TSPAN5: variants seen among roughly 807,000 people sequenced by gnomAD.
The protein encoded by TSPAN5 is tetraspanin-5.
TSPAN5 carries 10 observed loss-of-function variants against 37.1 expected under a neutral mutation model. That is an observed-to-expected ratio of 0.27 (90% CI 0.17 to 0.46). TSPAN5 has a LOEUF of 0.46. Among genes scored for constraint, TSPAN5 ranks in the 20% least tolerant of loss-of-function variants. The probability of loss-of-function intolerance (pLI) is 1.00; values close to 1 mark genes in which losing one functional copy is unlikely to be tolerated. For synonymous variants in TSPAN5, 110 were observed against 118.9 expected (o/e 0.93, Z 0.48); for missense variants, 195 against 326.6 (o/e 0.60, Z 3.11).
intron 1 of TSPAN5, among the ~76,000 whole-genome samples, chr4:98,614,901 C>T (rs1362594914): frequency 6.6e-6 from 1 of 152,220 alleles, no homozygotes; most frequent in Non-Finnish European, 1.5e-5. Flanking sequence ...TAAATGCCAT[C>T]GCAGCCAACA....
intron 1 of TSPAN5, among the ~76,000 whole-genome samples, chr4:98,533,910 G>C (rs1206209427): frequency 1.8e-5 from 2 of 113,052 alleles, no homozygotes; most frequent in African/African-American, 3.5e-5. Context: ...TTATTAGTCT[G>C]GCTAGTGGTC....
chr4:98,572,906 T>G (rs543066729), intron 1 of TSPAN5, among the ~76,000 whole-genome samples: 1 of 152,326 alleles, frequency 6.6e-6, no homozygotes, highest in African/African-American at 2.4e-5. Flanking sequence ...ACAATCACAG[T>G]GATTTGTTTA....
intron 1 of TSPAN5, among the ~76,000 whole-genome samples, chr4:98,527,972 C>A (rs1318970418): frequency 1.3e-5 from 2 of 152,182 alleles, no homozygotes; most frequent in Non-Finnish European, 2.9e-5. Flanking sequence ...GACAAATATT[C>A]TTCCTCTCTT....
chr4:98,591,844 C>T (rs1755641395), intron 1 of TSPAN5, among the ~76,000 whole-genome samples: 1 of 152,116 alleles, frequency 6.6e-6, no homozygotes, highest in Non-Finnish European at 1.5e-5. Flanking sequence ...TGCCACAGGG[C>T]TTTTGCTAAA....
intron 1 of TSPAN5, among the ~76,000 whole-genome samples, chr4:98,630,512 G>A (rs1756720502): frequency 6.6e-6 from 1 of 152,176 alleles, no homozygotes; most frequent in South Asian, 2.1e-4. Context: ...TGTCATCCGA[G>A]GCACGCATAT....
At chr4:98,530,770 C>T (rs1287955312) in intron 1 of TSPAN5, among the ~76,000 whole-genome samples, 1 of 151,804 alleles carries the variant, frequency 6.6e-6, no homozygotes, top group Non-Finnish European at 1.5e-5. Context: ...GAAACAGGAT[C>T]TTACTCCATT....
intron 1 of TSPAN5, among the ~76,000 whole-genome samples, chr4:98,598,043 C>T (rs1179039450): frequency 4.7e-5 from 4 of 85,620 alleles, no homozygotes; most frequent in Non-Finnish European, 8.2e-5. Context: ...AGCCTCGTTG[C>T]CGCCTTGCAG....
chr4:98,540,972 C>T (rs1037527038), intron 1 of TSPAN5, among the ~76,000 whole-genome samples: 2 of 152,196 alleles, frequency 1.3e-5, no homozygotes, highest in African/African-American at 2.4e-5. Flanking sequence ...ACAATTAGCA[C>T]GGCATAAAGA....
intron 1 of TSPAN5, among the ~76,000 whole-genome samples, chr4:98,579,445 T>C (rs1755320563): frequency 6.6e-6 from 1 of 152,162 alleles, no homozygotes; most frequent in African/African-American, 2.4e-5. Context: ...CCCATGCAAC[T>C]GTACAGGAAG....
intron 1 of TSPAN5, among the ~76,000 whole-genome samples, chr4:98,651,111 C>T (rs1160703874): frequency 2.6e-5 from 4 of 152,134 alleles, no homozygotes; most frequent in Admixed American, 1.3e-4. Context: ...CAGACAACAC[C>T]TTGATCAAGT....
chr4:98,558,461 C>T (rs1049224970), intron 1 of TSPAN5, among the ~76,000 whole-genome samples: 6 of 152,124 alleles, frequency 3.9e-5, no homozygotes, highest in Non-Finnish European at 1.5e-5. Flanking sequence ...TTTAAAGTTG[C>T]AGCGAAGGGA....
intron 1 of TSPAN5, among the ~76,000 whole-genome samples, chr4:98,576,958 G>T (rs923583482): frequency 6.6e-6 from 1 of 151,942 alleles, no homozygotes; most frequent in African/African-American, 2.4e-5. Context: ...ATGGGGTTTT[G>T]CCATGTTGAC....
chr4:98,609,783 C>A (rs550451905), intron 1 of TSPAN5, among the ~76,000 whole-genome samples: 1 of 152,140 alleles, frequency 6.6e-6, no homozygotes, highest in African/African-American at 2.4e-5. Context: ...GGCAAGAAGA[C>A]CCCACACCCA....
chr4:98,601,462 C>T lies in TSPAN5; in HGVS notation c.81+56684G>A, dbSNP rs115769482. 6.7e-4 allele frequency among the ~76,000 whole-genome samples: 102 copies of T among 152,316 alleles called. 1 individual carries two copies. The highest frequency in any genetic ancestry group is 2.3e-3 in the African/African-American group (96 of 41,570). On this transcript the variant is annotated intron_variant, in intron 1 of 7. Transcript: ENST00000305798. Reference sequence around the variant, plus strand: ...CATGAGCACGTGCTGCTTCACCTTGCGCTTTTATGTTATGAAGATGGCTGC... The same window carrying T: ...CATGAGCACGTGCTGCTTCACCTTGTGCTTTTATGTTATGAAGATGGCTGC...
At chr4:98,639,377 G>C (rs537510298) in intron 1 of TSPAN5, among the ~76,000 whole-genome samples, 1 of 152,148 alleles carries the variant, frequency 6.6e-6, no homozygotes, top group Non-Finnish European at 1.5e-5. Flanking sequence ...GAGTGCAGTG[G>C]CAAAATCATA....
intron 1 of TSPAN5, among the ~76,000 whole-genome samples, chr4:98,538,023 T>G (rs1334620247): frequency 2.0e-5 from 3 of 152,236 alleles, no homozygotes; most frequent in African/African-American, 7.2e-5. Context: ...GATCACGGCC[T>G]GGGGACTTTG....
At chr4:98,491,401 T>C (rs549638553) in intron 2 of TSPAN5, among the ~76,000 whole-genome samples, 1 of 152,242 alleles carries the variant, frequency 6.6e-6, no homozygotes, top group South Asian at 2.1e-4. Context: ...TTCCCAACAT[T>C]CACTGAAGAG....
At chr4:98,503,134 T>C (rs1753393080) in intron 2 of TSPAN5, among the ~76,000 whole-genome samples, 1 of 151,910 alleles carries the variant, frequency 6.6e-6, no homozygotes, top group Non-Finnish European at 1.5e-5. Context: ...CATTGTGGAA[T>C]CCTGCAACTG....
chr4:98,576,590 C>A (rs1579004076), intron 1 of TSPAN5, among the ~76,000 whole-genome samples: 1 of 152,028 alleles, frequency 6.6e-6, no homozygotes, highest in African/African-American at 2.4e-5. Flanking sequence ...GTGGCATGTG[C>A]CTATAGTCCC....
Sources: gnomAD v4.1 joint callset for allele counts (sites outside exome capture counted in the v4.1 genomes callset) on GRCh38, gnomAD v4.1.1 for gene constraint, MANE v1.5 for transcripts, NCBI Gene and HGNC (gene_info 2026-07-23, HGNC 2026-07-21) for gene names.